The following C4orf50 variants were observed in gnomAD, a reference collection of about 807,000 sequenced individuals.
C4orf50 encodes chromosome 4 open reading frame 50.
A neutral mutation model predicts 77.2 loss-of-function variants in C4orf50; 80 were observed. The ratio of observed to expected loss-of-function variants is 1.04; its 90% CI spans 0.87 to 1.25. The LOEUF is 1.25. C4orf50 is among the 50% of genes most tolerant of loss of function. The pLI is 0.00. For synonymous variants in C4orf50, 532 were observed against 465.3 expected, an observed-to-expected ratio of 1.14 and a Z score of -1.84; for missense variants, 1,257 against 1,152.9, an observed-to-expected ratio of 1.09 and a Z score of -1.31.
intron 7 of C4orf50, among the ~76,000 whole-genome samples, chr4:5,947,417 A>G (rs1718530861): frequency 6.6e-6 from 1 of 152,218 alleles, no homozygotes; most frequent in African/African-American, 2.4e-5. Flanking sequence ...GAAGTTTACC[A>G]TAGGAGGAAA....
chr4:5,953,329 G>A (rs549954450), downstream of C4orf50, among the ~76,000 whole-genome samples: 6 of 152,234 alleles, frequency 3.9e-5, no homozygotes, highest in South Asian at 4.1e-4. Context: ...GTAATATTGC[G>A]GCTACAGTTG....
intron 7 of C4orf50, among the ~76,000 whole-genome samples, chr4:5,941,197 T>C (rs1350382326): frequency 6.6e-6 from 1 of 152,256 alleles, no homozygotes; most frequent in African/African-American, 2.4e-5. Flanking sequence ...GTGCTTCCTT[T>C]GTGCCAGAGT....
intron 7 of C4orf50, among the ~76,000 whole-genome samples, chr4:5,948,527 T>C (rs1560557708): frequency 6.6e-6 from 1 of 152,184 alleles, no homozygotes; most frequent in Non-Finnish European, 1.5e-5. Context: ...CCGGATGTGG[T>C]GGCTCACGCC....
At chr4:5,934,329 T>C (rs1337772718) in intron 7 of C4orf50, among the ~76,000 whole-genome samples, 1 of 152,202 alleles carries the variant, frequency 6.6e-6, no homozygotes, top group Non-Finnish European at 1.5e-5. Context: ...CAGACAGCAT[T>C]GCCTGCAGAT....
At chr4:5,934,355 C>G (rs1717913403) in intron 7 of C4orf50, among the ~76,000 whole-genome samples, 1 of 152,184 alleles carries the variant, frequency 6.6e-6, no homozygotes, top group African/African-American at 2.4e-5. Flanking sequence ...TGCAAGCTTC[C>G]TCATATTGGA....
chr4:5,983,264 G>A (rs911132295), intron 28 of C4orf50, among the ~76,000 whole-genome samples: 6 of 152,172 alleles, frequency 3.9e-5, no homozygotes, highest in African/African-American at 1.4e-4. Flanking sequence ...AAAACCCTCT[G>A]TTGGCTTCCT....
chr4:5,950,832 C>T (rs1244378617), intron 7 of C4orf50, among the ~76,000 whole-genome samples: 1 of 152,192 alleles, frequency 6.6e-6, no homozygotes, highest in Non-Finnish European at 1.5e-5. Flanking sequence ...GGAAGCATGA[C>T]TGCACATAGG....
At chr4:5,946,782 A>C (rs1432836076) in intron 7 of C4orf50, among the ~76,000 whole-genome samples, 1 of 152,270 alleles carries the variant, frequency 6.6e-6, no homozygotes, top group Non-Finnish European at 1.5e-5. Flanking sequence ...ATAAGGAATA[A>C]AAATTGCTTC....
At chr4:5,944,236 T>G (rs1718389036) in intron 7 of C4orf50, among the ~76,000 whole-genome samples, 1 of 152,128 alleles carries the variant, frequency 6.6e-6, no homozygotes, top group Admixed American at 6.5e-5. Flanking sequence ...GCTCTCAGCT[T>G]CTCCTGGCTT....
intron 31 of C4orf50, among the ~76,000 whole-genome samples, chr4:5,967,969 C>A (rs1719682923): frequency 1.3e-5 from 2 of 152,318 alleles, no homozygotes; most frequent in East Asian, 3.9e-4. Context: ...CGACGGCCCC[C>A]AAGTGGTTGA....
chr4:5,987,004 A>G (rs1435456787), intron 28 of C4orf50, among the ~76,000 whole-genome samples: 1 of 152,246 alleles, frequency 6.6e-6, no homozygotes, highest in African/African-American at 2.4e-5. Context: ...AGAAATTTAT[A>G]GCTTTAATTG....
At chr4:6,001,777 C>T (rs1400991329) in intron 25 of C4orf50, among the ~76,000 whole-genome samples, 1 of 152,228 alleles carries the variant, frequency 6.6e-6, no homozygotes, top group Non-Finnish European at 1.5e-5. Context: ...TTGCAAGATG[C>T]ATGTTTTGGC....
At position 5,908,269 on chromosome 4, in the gene C4orf50, A is replaced by C. The variant is rs146433120; in HGVS notation, c.*2475-10081T>G. Among the ~76,000 whole-genome samples, 1 of 152,292 alleles carries C rather than the reference A, an allele frequency of 6.6e-6. No individual in the cohort carries two copies. Among genetic ancestry groups the C allele is most frequent in the Non-Finnish European group, 1.5e-5 (1 of 68,030 alleles). On this transcript the variant is annotated intron_variant, in intron 7 of 7. Coordinates refer to the C4orf50 transcript ENST00000324058. The surrounding 1 kb of genome is among the most constrained non-coding windows in gnomAD (Gnocchi z 5.6). ...AGGAAATGCTGGGTTACAAAGTAACAGTGTACTAAAGAGAGTCAGATGAAG... is the reference window on the plus strand; with the variant it reads ...AGGAAATGCTGGGTTACAAAGTAACCGTGTACTAAAGAGAGTCAGATGAAG...
Position 6,018,474 on chromosome 4 carries a change from G to C in C4orf50, c.-43C>G. Reference sequence around the variant, plus strand: ...GGGCAAGACTTAATAATAAAATTAAGTGAGTTTGCAACATTGACTTCCCGG... The same window carrying C: ...GGGCAAGACTTAATAATAAAATTAACTGAGTTTGCAACATTGACTTCCCGG... On this transcript the variant is annotated 5_prime_UTR_variant, in exon 23 of 34. Transcript: ENST00000531445. This position sits in a 1 kb window ranked among gnomAD's most constrained non-coding sequence, Gnocchi z 5.1. 1 of 398,806 alleles carries C rather than the reference G, an allele frequency of 2.5e-6. No homozygotes were observed. The highest frequency in any genetic ancestry group is 1.3e-4 in the South Asian group (1 of 7,808). The allele number at this position is 398,806 out of a possible 1,614,324, so 24.7% of individuals were successfully genotyped here.
chr4:5,997,133 T>C (rs982384837), intron 25 of C4orf50, among the ~76,000 whole-genome samples: 4 of 152,092 alleles, frequency 2.6e-5, no homozygotes, highest in African/African-American at 9.7e-5. Context: ...GAGGAAGGAC[T>C]AGATAAATAG....
chr4:5,943,142 T>C (rs1718333152), intron 7 of C4orf50, among the ~76,000 whole-genome samples: 1 of 152,224 alleles, frequency 6.6e-6, no homozygotes, highest in African/African-American at 2.4e-5. Context: ...GAATCGATGC[T>C]CAATAAACAT....
At chr4:5,988,639 A>G in exon 28 of C4orf50, 1 of 1,536,074 alleles carries the variant, frequency 6.5e-7, no homozygotes, top group Non-Finnish European at 8.7e-7. Flanking sequence ...GAGTGGAGTC[A>G]CCTGCACCTC....
Position 5,936,461 on chromosome 4 carries a change from C to G in C4orf50, c.*2474+20440G>C, listed in dbSNP as rs531888097. ...CCTCTAATCCCAGCTACTCAGGAGG[C>G]TGATGCAGGAGAATTGCTTGAACCC... On this transcript the variant is annotated intron_variant, in intron 7 of 7. Coordinates refer to the C4orf50 transcript ENST00000324058. Among the ~76,000 whole-genome samples, 5 of 146,360 alleles carry G rather than the reference C, an allele frequency of 3.4e-5. No individual in the cohort carries two copies. In the East Asian group the frequency reaches 1.0e-3, roughly 29 times the overall value.
chr4:5,954,389 T>C (rs1431418878), downstream of C4orf50, among the ~76,000 whole-genome samples: 1 of 152,114 alleles, frequency 6.6e-6, no homozygotes, highest in Non-Finnish European at 1.5e-5. This position sits in a 1 kb window ranked among gnomAD's most constrained non-coding sequence, Gnocchi z 4.7. Context: ...TGCTGCCCGA[T>C]GCTAAATTAC....
Sources: gnomAD v4.1 joint callset for allele counts (sites outside exome capture counted in the v4.1 genomes callset) on GRCh38, gnomAD v4.1.1 for gene constraint, Gnocchi (gnomAD v3.1) non-coding constraint, MANE v1.5 for transcripts, NCBI Gene and HGNC (gene_info 2026-07-23, HGNC 2026-07-21) for gene names.